The following TTC7B variants were observed in gnomAD, a reference collection of about 807,000 sequenced individuals.
TTC7B encodes tetratricopeptide repeat domain 7B, also known as tetratricopeptide repeat protein 7B.
In TTC7B, 28 loss-of-function variants were observed where a neutral mutation model predicts 106.8. That is an observed-to-expected ratio of 0.26 (90% CI 0.19 to 0.36). The LOEUF (loss-of-function observed/expected upper bound fraction) is 0.36, where lower values mean the gene tolerates loss of function less well. Among genes scored for constraint, TTC7B ranks in the 10% least tolerant of loss-of-function variants. The probability of loss-of-function intolerance (pLI) is 1.00; values close to 1 mark genes in which losing one functional copy is unlikely to be tolerated. For missense variants in TTC7B, 862 were observed against 1,076.4 expected (o/e 0.80, Z 2.79); for synonymous variants, 405 against 430.6 (o/e 0.94, Z 0.74).
chr14:90,699,187 C>T (rs1471600209), intron 5 of TTC7B: 4 of 456,034 alleles, frequency 8.8e-6, no homozygotes, highest in Admixed American at 4.7e-5. Context: ...TGACTCTGAA[C>T]CACATTCTCG....
At chr14:90,743,596 C>T (rs946812968) in intron 4 of TTC7B, among the ~76,000 whole-genome samples, 1 of 152,130 alleles carries the variant, frequency 6.6e-6, no homozygotes, top group East Asian at 1.9e-4. Flanking sequence ...TTGGTGAGAA[C>T]TCCAGGAAAC....
intron 1 of TTC7B, among the ~76,000 whole-genome samples, chr14:90,797,943 G>T (rs2029982693): frequency 6.6e-6 from 1 of 152,172 alleles, no homozygotes; most frequent in African/African-American, 2.4e-5. Context: ...CTGTACGAAA[G>T]GCCATGTCTT....
At chr14:90,700,550 C>T (rs1049652949) in intron 5 of TTC7B, among the ~76,000 whole-genome samples, 16 of 151,776 alleles carry the variant, frequency 1.1e-4, no homozygotes, top group Non-Finnish European at 2.1e-4. Flanking sequence ...AGAGTGAGCA[C>T]CATCTTATAT....
At chr14:90,732,452 C>A (rs559419329) in intron 4 of TTC7B, among the ~76,000 whole-genome samples, 2 of 152,282 alleles carry the variant, frequency 1.3e-5, no homozygotes, top group East Asian at 3.9e-4. Context: ...ACCATGGCTC[C>A]CTGCAGCCTC....
Position 90,744,936 on chromosome 14 carries a change from C to G in TTC7B, c.446-14G>C, listed in dbSNP as rs1329073080. The G allele has an allele frequency of 1.9e-6, 3 of 1,611,596 alleles. No individual in the cohort carries two copies. The highest frequency in any genetic ancestry group is 2.5e-6 in the Non-Finnish European group (3 of 1,179,496). On this transcript the variant is annotated splice_polypyrimidine_tract_variant and intron_variant, in intron 3 of 19. Coordinates refer to ENST00000328459, the MANE Select transcript of TTC7B (RefSeq NM_001010854.2). Reference sequence around the variant, plus strand: ...CCAAACAAAGTCCTTAAAAAAATATCAGACACAAAAACTGAGTGAATTTTT... The same window carrying G: ...CCAAACAAAGTCCTTAAAAAAATATGAGACACAAAAACTGAGTGAATTTTT...
chr14:90,612,984 CA>C (rs1451066500), intron 16 of TTC7B, among the ~76,000 whole-genome samples: 1 of 152,240 alleles, frequency 6.6e-6, no homozygotes, highest in African/African-American at 2.4e-5. Flanking sequence ...AGCTGGGAAA[CA>C]GCGTTCAGTT....
intron 3 of TTC7B, among the ~76,000 whole-genome samples, chr14:90,764,550 CA>C (rs1890610611): frequency 6.6e-6 from 1 of 152,088 alleles, no homozygotes; most frequent in Admixed American, 6.5e-5. Context: ...AAAATATTTA[CA>C]AACCATATAT....
In TTC7B at chr14:90,536,178, T is replaced by G. The variant is rs1889415740; in HGVS notation, c.*5190A>C. ...CAGGCATTGAGAGAGCCCACCCACCTCCTCCAGGAAGCTCACCCTGCCTGC... is the reference window on the plus strand; with the variant it reads ...CAGGCATTGAGAGAGCCCACCCACCGCCTCCAGGAAGCTCACCCTGCCTGC... On this transcript the variant is annotated 3_prime_UTR_variant, in exon 20 of 20. Transcript: ENST00000328459. The G allele has an allele frequency of 6.5e-6, 1 of 154,758 alleles. No homozygotes were observed. The highest frequency in any genetic ancestry group is 2.4e-5 in the African/African-American group (1 of 41,422). The allele number at this position is 154,758 out of a possible 1,614,324, so 9.6% of individuals were successfully genotyped here.
chr14:90,717,745 G>A (rs993147472), intron 5 of TTC7B, among the ~76,000 whole-genome samples: 1 of 152,092 alleles, frequency 6.6e-6, no homozygotes. Context: ...GCCCACCTTC[G>A]TGTAAAATAC....
intron 5 of TTC7B, among the ~76,000 whole-genome samples, chr14:90,714,816 G>A (rs1749715): frequency 0.72 from 108,736 of 152,054 alleles, 39,860 homozygotes; most frequent in African/African-American, 0.88. Context: ...TTAAATATGT[G>A]AATTATACAC....
intron 9 of TTC7B, among the ~76,000 whole-genome samples, chr14:90,675,417 G>A (rs545293708): frequency 9.9e-5 from 15 of 152,242 alleles, no homozygotes; most frequent in African/African-American, 3.6e-4. Flanking sequence ...AAGGTACCGG[G>A]AGAGGTTCGA....
chr14:90,719,652 G>A (rs951174986), intron 5 of TTC7B, among the ~76,000 whole-genome samples: 1 of 152,200 alleles, frequency 6.6e-6, no homozygotes. Context: ...GTGGCTGTAG[G>A]GACTGCTGGG....
chr14:90,575,961 C>T lies in TTC7B; in HGVS notation c.2310+2145G>A, dbSNP rs1007803723. 1.3e-5 allele frequency among the ~76,000 whole-genome samples: 2 copies of T among 152,088 alleles called. No individual in the cohort carries two copies. The highest frequency in any genetic ancestry group is 2.4e-5 in the African/African-American group (1 of 41,418). On this transcript the variant is annotated intron_variant, in intron 19 of 19. Transcript: ENST00000328459. The surrounding 1 kb of genome is among the most constrained non-coding windows in gnomAD (Gnocchi z 5.2). The stretch of plus-strand genomic sequence containing the variant: ...AGTCATTGCCGATGGACCCAGCAGG[C>T]GGGGCTCACCATGGCCCTAGTCTCA...
chr14:90,766,910 G>A, intron 3 of TTC7B: 1 of 1,552,330 alleles, frequency 6.4e-7, no homozygotes, highest in South Asian at 1.1e-5. Flanking sequence ...TGCCACTCCT[G>A]GGGCCTTCAT....
intron 1 of TTC7B, among the ~76,000 whole-genome samples, chr14:90,792,631 C>T (rs1387003620): frequency 6.6e-6 from 1 of 152,022 alleles, no homozygotes; most frequent in Non-Finnish European, 1.5e-5. Context: ...GGAAAATGAT[C>T]AACGGAGAAA....
At position 90,527,901 on chromosome 14, in the gene TTC7B, T is replaced by G. The variant is rs1375088127; in HGVS notation, c.*13467A>C. 1 of 149,204 alleles carries G rather than the reference T, an allele frequency of 6.7e-6. No homozygotes were observed. Among genetic ancestry groups the G allele is most frequent in the Non-Finnish European group, 1.5e-5 (1 of 67,432 alleles). 9.2% of individuals were successfully genotyped at this position (149,204 alleles called of 1,614,324 possible). A position where few individuals can be genotyped will look rare whatever the true frequency, so the allele number is the denominator to read the frequency against. ...GATCACATCACAAGCTAAAGGAAAATGGCGAGCCAGGTGTGGCGGCTCACG... is the reference window on the plus strand; with the variant it reads ...GATCACATCACAAGCTAAAGGAAAAGGGCGAGCCAGGTGTGGCGGCTCACG... On this transcript the variant is annotated 3_prime_UTR_variant, in exon 20 of 20. Transcript: ENST00000328459.
At position 90,676,631 on chromosome 14, in the gene TTC7B, T is replaced by C. The variant is rs763890139; in HGVS notation, c.1044A>G (p.Ile348Met). ...MANRDAVLSR[I>M]PEHKSDRLIS... ...TGAGGCGGTCACTCTTGTGTTCAGG[T>C]ATCCTGCTCAGCACAGCGTCCCGGT... is the stretch of plus-strand genomic sequence containing the variant. Residue 348 changes from isoleucine (I) to methionine (M), a missense_variant, in exon 9 of 20, where the codon ATA (isoleucine) becomes ATG (methionine). By Grantham distance (10) the Ile-to-Met change is conservative. Transcript: ENST00000328459. The C allele has an allele frequency of 1.2e-5, 19 of 1,613,948 alleles. No homozygotes were observed. The Admixed American group carries it at 3.2e-4, about 27-fold the overall frequency.
In TTC7B at chr14:90,663,310, T is replaced by C. The variant is rs1886280213; in HGVS notation, c.1153-4923A>G. ...AGCTCTTCACCACAACACTACTGCC[T>C]CTGAAACTTTAATTATATTGTGCCA... On this transcript the variant is annotated intron_variant, in intron 9 of 19. Coordinates refer to ENST00000328459, the MANE Select transcript of TTC7B (RefSeq NM_001010854.2). The surrounding 1 kb of genome is among the most constrained non-coding windows in gnomAD (Gnocchi z 4.5). Among the ~76,000 whole-genome samples the C allele has an allele frequency of 6.6e-6, 1 of 152,166 alleles. No individual in the cohort carries two copies. Among genetic ancestry groups the C allele is most frequent in the African/African-American group, 2.4e-5 (1 of 41,430 alleles).
intron 5 of TTC7B, among the ~76,000 whole-genome samples, chr14:90,708,637 C>G (rs778245999): frequency 5.3e-5 from 8 of 152,182 alleles, no homozygotes; most frequent in South Asian, 2.1e-4. Context: ...TACCTGGTCA[C>G]CCAAGAGCTC....
Sources: gnomAD v4.1 joint callset for allele counts (sites outside exome capture counted in the v4.1 genomes callset) on GRCh38, gnomAD v4.1.1 for gene constraint, Gnocchi (gnomAD v3.1) non-coding constraint, MANE v1.5 for transcripts, NCBI Gene and HGNC (gene_info 2026-07-23, HGNC 2026-07-21) for gene names.